NSD1: variants seen among roughly 807,000 people sequenced by gnomAD.
The protein encoded by NSD1 is nuclear receptor binding SET domain protein 1, also known as histone-lysine N-methyltransferase, H3 lysine-36 specific.
NSD1 carries 26 observed loss-of-function variants against 242.7 expected under a neutral mutation model. The observed-to-expected ratio is 0.11, with a 90% confidence interval of 0.08 to 0.15. The LOEUF is 0.15. Ranked by LOEUF, NSD1 falls within the 10% of genes least tolerant of loss-of-function variation. NSD1 has a pLI of 1.00. For missense variants in NSD1, 2,495 were observed against 3,272.8 expected, an observed-to-expected ratio of 0.76 and a Z score of 5.80; for synonymous variants, 1,106 against 1,178.1, an observed-to-expected ratio of 0.94 and a Z score of 1.25.
At chr5:177,257,842 A>ATTTTTT (rs1160063323) in intron 13 of NSD1, among the ~76,000 whole-genome samples, 3 of 143,202 alleles carry the variant, frequency 2.1e-5, no homozygotes, top group East Asian at 4.2e-4. Flanking sequence ...ATTTTATTTT[A>ATTTTTT]TTTTTTTTTG....
At chr5:177,176,222 T>G (rs1469157813) in intron 2 of NSD1, among the ~76,000 whole-genome samples, 1 of 152,070 alleles carries the variant, frequency 6.6e-6, no homozygotes, top group African/African-American at 2.4e-5. Context: ...GTTTTGAAAT[T>G]GAGGGATTAA....
intron 5 of NSD1, among the ~76,000 whole-genome samples, chr5:177,213,290 C>T (rs1372066731): frequency 1.3e-5 from 2 of 152,164 alleles, no homozygotes. Context: ...AGATTTTTCT[C>T]TAACAGCTTT....
rs753641998 is a variant in NSD1 at position 177,269,770 on chromosome 5, T to A, written c.5472T>A (p.Asp1824Glu). 1 of 1,614,122 alleles carries A rather than the reference T, an allele frequency of 6.2e-7. No individual in the cohort carries two copies. Among genetic ancestry groups the A allele is most frequent in the East Asian group, 2.2e-5 (1 of 44,872 alleles). ...PYMEGDVSSKDKMGKGVDGTY... is the reference protein window; with the variant it reads ...PYMEGDVSSKEKMGKGVDGTY... ...TGGAGGGTGACGTGAGCAGCAAGGA[T>A]AAGATGGGCAAAGGAGTGGATGGGA... Residue 1824 changes from aspartate (D) to glutamate (E), a missense_variant, in exon 16 of 23, where the codon GAT becomes GAA. Asp to Glu is a conservative substitution (Grantham distance 45, BLOSUM62 2). Coordinates refer to ENST00000439151, the MANE Select transcript of NSD1 (RefSeq NM_022455.5). This position sits in a 1 kb window ranked among gnomAD's most constrained non-coding sequence, Gnocchi z 5.1.
At chr5:177,266,151 G>T in intron 14 of NSD1, 1 of 1,091,932 alleles carries the variant, frequency 9.2e-7, no homozygotes, top group Non-Finnish European at 1.4e-6. Flanking sequence ...CACTTGTCCG[G>T]GCATAGAGCA....
chr5:177,266,356 G>T, intron 14 of NSD1: 1 of 698,286 alleles, frequency 1.4e-6, no homozygotes, highest in Non-Finnish European at 2.7e-6. Context: ...CGATGACCTT[G>T]CGGGCCCGGC....
chr5:177,251,029 G>A (rs1233314790), intron 11 of NSD1, among the ~76,000 whole-genome samples: 5 of 151,904 alleles, frequency 3.3e-5, no homozygotes, highest in Non-Finnish European at 7.4e-5. Flanking sequence ...ATCTCTACTA[G>A]AAATACAAAA....
chr5:177,244,091 A>C (rs1766095415), intron 8 of NSD1, 104 bp from the exon 9 acceptor site: 2 of 857,740 alleles, frequency 2.3e-6, no homozygotes, highest in Non-Finnish European at 3.8e-6. Context: ...AAACAAGTCA[A>C]AATTCAATAT....
chr5:177,259,409 A>C (rs971803225), intron 13 of NSD1, among the ~76,000 whole-genome samples: 7 of 152,338 alleles, frequency 4.6e-5, no homozygotes, highest in Non-Finnish European at 1.0e-4. Flanking sequence ...CTGTTTGAGC[A>C]CACAGACTTT....
At chr5:177,175,435 C>T (rs1348497038) in intron 2 of NSD1, among the ~76,000 whole-genome samples, 4 of 151,842 alleles carry the variant, frequency 2.6e-5, no homozygotes, top group South Asian at 4.2e-4. Context: ...AAACCAGCCT[C>T]GGCAACATGG....
chr5:177,195,619 C>T (rs955084288), intron 3 of NSD1, among the ~76,000 whole-genome samples: 2 of 152,284 alleles, frequency 1.3e-5, no homozygotes, highest in African/African-American at 2.4e-5. Flanking sequence ...AGGCATTCGC[C>T]ACTATGCCTG....
rs927423544 is a variant in NSD1 at position 177,150,902 on chromosome 5, G to A, written c.927+14872G>A. ...ACAGACATTAATGCTACACTAATTT[G>A]TCATTGGAATTTTACATTCAAAAGC... is the stretch of plus-strand genomic sequence containing the variant. On this transcript the variant is annotated intron_variant, in intron 2 of 22. Transcript: ENST00000439151. Among the ~76,000 whole-genome samples, 5 of 152,132 alleles carry A rather than the reference G, an allele frequency of 3.3e-5. No individual in the cohort carries two copies. In the East Asian group the frequency reaches 9.6e-4, roughly 29 times the overall value.
At chr5:177,227,840 C>T (rs928132792) in intron 5 of NSD1, among the ~76,000 whole-genome samples, 15 of 151,196 alleles carry the variant, frequency 9.9e-5, no homozygotes, top group African/African-American at 3.6e-4. Context: ...TCCAGCTATT[C>T]GGGACAGTTA....
Position 177,270,723 on chromosome 5 carries a change from A to G in NSD1, c.5509+916A>G, listed in dbSNP as rs1209912937. Among the ~76,000 whole-genome samples the G allele has an allele frequency of 3.3e-5, 5 of 152,240 alleles. No individual in the cohort carries two copies. In the East Asian group the frequency reaches 9.6e-4, roughly 29 times the overall value. Reference sequence around the variant, plus strand: ...TGAAAAGGGATTCTAAGCAAGTGACATGGAAGAAGATTCTAAGCAGGTAAA... The same window carrying G: ...TGAAAAGGGATTCTAAGCAAGTGACGTGGAAGAAGATTCTAAGCAGGTAAA... On this transcript the variant is annotated intron_variant, in intron 16 of 22. Coordinates refer to ENST00000439151, the MANE Select transcript of NSD1 (RefSeq NM_022455.5).
intron 2 of NSD1, among the ~76,000 whole-genome samples, chr5:177,156,028 T>G (rs1758104251): frequency 6.6e-6 from 1 of 151,648 alleles, no homozygotes; most frequent in African/African-American, 2.4e-5. Flanking sequence ...TTAATGAAGA[T>G]TAATTATTGT....
rs1761106771 is a variant in NSD1 at position 177,185,822 on chromosome 5, A to T, written c.928-6062A>T. Reference sequence around the variant, plus strand: ...ATATATATATAAATTTATATATATAATATATAAGTTTTATATATTTAAATA... The same window carrying T: ...ATATATATATAAATTTATATATATATTATATAAGTTTTATATATTTAAATA... On this transcript the variant is annotated intron_variant, in intron 2 of 22. Coordinates refer to ENST00000439151, the MANE Select transcript of NSD1 (RefSeq NM_022455.5). Among the ~76,000 whole-genome samples the T allele has an allele frequency of 6.6e-5, 6 of 90,234 alleles. No homozygotes were observed. The East Asian group carries it at 8.1e-4, about 12-fold the overall frequency. The allele number at this position is 90,234 out of a possible 152,430, so 59.2% of individuals were successfully genotyped here. A position where few individuals can be genotyped will look rare whatever the true frequency, so the allele number is the denominator to read the frequency against.
intron 2 of NSD1, among the ~76,000 whole-genome samples, chr5:177,180,323 C>G (rs1187142269): frequency 6.6e-6 from 1 of 152,168 alleles, no homozygotes; most frequent in Non-Finnish European, 1.5e-5. Flanking sequence ...CCAGGCTGGT[C>G]TCAAACTCCT....
chr5:177,235,714 T>G, intron 5 of NSD1, 107 bp from the exon 6 acceptor site: 1 of 1,422,520 alleles, frequency 7.0e-7, no homozygotes, highest in Non-Finnish European at 9.8e-7. Context: ...TATTTTACTA[T>G]GTGGTTTCCC....
chr5:177,252,539 CTTTTTTTTTTTTT>C (rs70991600), intron 12 of NSD1, among the ~76,000 whole-genome samples: 21 of 47,428 alleles, frequency 4.4e-4, no homozygotes, highest in Admixed American at 7.8e-4. Context: ...GTAAAGTGTT[CTTTTTTTTTTTTT>C]TTTTTTTTTT....
chr5:177,191,805 C>T, intron 2 of NSD1, 79 bp from the exon 3 acceptor site: 1 of 1,488,302 alleles, frequency 6.7e-7, no homozygotes. Flanking sequence ...ATTGCTTTTT[C>T]AGAAGGCTAA....
Sources: gnomAD v4.1 joint callset for allele counts (sites outside exome capture counted in the v4.1 genomes callset) on GRCh38, gnomAD v4.1.1 for gene constraint, Gnocchi (gnomAD v3.1) non-coding constraint, MANE v1.5 for transcripts, NCBI Gene and HGNC (gene_info 2026-07-23, HGNC 2026-07-21) for gene names.